The following GRHL2 variants were observed in gnomAD, a reference collection of about 807,000 sequenced individuals.
The protein encoded by GRHL2 is grainyhead-like protein 2 homolog.
Under a neutral mutation model 83.8 loss-of-function variants are expected in GRHL2, and 21 were observed. The ratio of observed to expected loss-of-function variants is 0.25; its 90% confidence interval spans 0.18 to 0.36. The LOEUF (loss-of-function observed/expected upper bound fraction) is 0.36. GRHL2 is among the 10% of genes least tolerant of loss of function. GRHL2 has a pLI of 1.00. For missense variants in GRHL2, 623 were observed against 781.8 expected, an observed-to-expected ratio of 0.80 and a Z score of 2.42; for synonymous variants, 280 against 278.9, an observed-to-expected ratio of 1.00 and a Z score of -0.04.
chr8:101,500,158 T>A (rs487053), intron 1 of GRHL2, among the ~76,000 whole-genome samples: 143,899 of 152,292 alleles, frequency 0.94, 68,097 homozygotes, highest in Non-Finnish European at 0.96. Flanking sequence ...CCTAACCTGA[T>A]AAAGGGTAGT....
the GRHL2 span, among the ~76,000 whole-genome samples, chr8:101,678,996 GAA>G: frequency 7.2e-6 from 1 of 138,184 alleles, no homozygotes; most frequent in Non-Finnish European, 1.6e-5. Flanking sequence ...AGAAAAACTG[GAA>G]ACTCTAAAAA....
downstream of GRHL2, among the ~76,000 whole-genome samples, chr8:101,674,600 T>C (rs534053905): frequency 3.3e-5 from 5 of 152,144 alleles, no homozygotes; most frequent in African/African-American, 1.2e-4. Context: ...CAGGACCAGA[T>C]GGATTCATAG....
At chr8:101,552,583 G>A in intron 2 of GRHL2, 132 bp from the exon 3 acceptor site, 1 of 789,316 alleles carries the variant, frequency 1.3e-6, no homozygotes, top group Admixed American at 1.9e-5. Flanking sequence ...TCATCTCCTG[G>A]TGATAGCAAC....
chr8:101,673,736 C>A (rs1814246760), downstream of GRHL2, among the ~76,000 whole-genome samples: 1 of 152,006 alleles, frequency 6.6e-6, no homozygotes, highest in African/African-American at 2.4e-5. Flanking sequence ...CTCTCCACCC[C>A]AAATCAACAG....
chr8:101,558,259 C>T (rs1469769722), intron 3 of GRHL2, among the ~76,000 whole-genome samples, 160 bp from the exon 4 acceptor site: 1 of 152,198 alleles, frequency 6.6e-6, no homozygotes, highest in African/African-American at 2.4e-5. Context: ...CTTCTAGTGA[C>T]GCAAGGATCC....
At position 101,666,617 on chromosome 8, in the gene GRHL2, A is replaced by G. The variant is rs762026492; in HGVS notation, c.1792A>G (p.Ile598Val). ...CTTGGTGAACATGGATGACAACATC[A>G]TCGAGCACTACTCGAACGAGGACAC... ...GILVNMDDNI[I>V]EHYSNEDTFI... The change falls in exon 16 of 16, where the codon ATC becomes GTC. Residue 598 changes from isoleucine to valine, a missense_variant. Ile to Val is a conservative substitution (Grantham distance 29, BLOSUM62 3). This residue lies in a region of GRHL2 where 210 missense variants were observed against 254.8 expected (regional missense o/e 0.82). Transcript: ENST00000646743. 2 of 1,611,900 alleles carry G rather than the reference A, an allele frequency of 1.2e-6. No homozygotes were observed. Among genetic ancestry groups the G allele is most frequent in the Non-Finnish European group, 1.7e-6 (2 of 1,178,048 alleles).
intron 1 of GRHL2, among the ~76,000 whole-genome samples, chr8:101,509,153 C>CTTT (rs56658916): frequency 4.5e-4 from 9 of 19,860 alleles, no homozygotes; most frequent in South Asian, 2.1e-3. Flanking sequence ...TTCCTTCCTT[C>CTTT]CTTCCTTTCT....
chr8:101,674,227 T>C (rs1760144959), downstream of GRHL2, among the ~76,000 whole-genome samples: 1 of 151,596 alleles, frequency 6.6e-6, no homozygotes, highest in South Asian at 2.1e-4. Context: ...CTGAAGGAAA[T>C]AGAGACACAA....
At chr8:101,531,967 G>A (rs1232233179) in intron 1 of GRHL2, among the ~76,000 whole-genome samples, 1 of 152,184 alleles carries the variant, frequency 6.6e-6, no homozygotes, top group African/African-American at 2.4e-5. Context: ...TTATGTGGTG[G>A]AGGGCATTAT....
intron 1 of GRHL2, among the ~76,000 whole-genome samples, chr8:101,540,356 A>G (rs1554584469): frequency 2.0e-5 from 3 of 152,116 alleles, no homozygotes; most frequent in Non-Finnish European, 4.4e-5. Context: ...GGCCTATACT[A>G]CTTCATGTCA....
intron 1 of GRHL2, among the ~76,000 whole-genome samples, chr8:101,502,044 G>GCA (rs1810240494): frequency 6.6e-6 from 1 of 151,426 alleles, no homozygotes; most frequent in Non-Finnish European, 1.5e-5. Context: ...ATTGTTTTTT[G>GCA]GTTCTCAGTT....
chr8:101,497,204 C>A (rs1810125105), intron 1 of GRHL2, among the ~76,000 whole-genome samples: 1 of 152,140 alleles, frequency 6.6e-6, no homozygotes, highest in Non-Finnish European at 1.5e-5. Flanking sequence ...GGGATTGAAA[C>A]TAAAGAGAGA....
At chr8:101,626,292 C>A (rs1813078027) in intron 9 of GRHL2, among the ~76,000 whole-genome samples, 1 of 152,074 alleles carries the variant, frequency 6.6e-6, no homozygotes, top group African/African-American at 2.4e-5. Context: ...TCTAATTAAT[C>A]TCACACCTGT....
intron 14 of GRHL2, among the ~76,000 whole-genome samples, chr8:101,656,095 T>A (rs1328833444): frequency 1.3e-5 from 2 of 152,228 alleles, no homozygotes; most frequent in Non-Finnish European, 2.9e-5. Context: ...TCTTCATCGC[T>A]CTCTGTCATT....
At chr8:101,627,321 AC>A (rs1450551383) in intron 9 of GRHL2, among the ~76,000 whole-genome samples, 1 of 152,000 alleles carries the variant, frequency 6.6e-6, no homozygotes, top group Non-Finnish European at 1.5e-5. Flanking sequence ...AACATTTCAA[AC>A]ATTTTCATTA....
chr8:101,562,437 C>T (rs1811626585), intron 4 of GRHL2: 7 of 478,064 alleles, frequency 1.5e-5, no homozygotes, highest in South Asian at 2.2e-5. Context: ...AACGTCATGC[C>T]GTGGCCAGGG....
Position 101,599,148 on chromosome 8 carries a change from G to A in GRHL2, c.1095G>A (p.Ala365=), listed in dbSNP as rs267601683. The A allele has an allele frequency of 2.0e-5, 31 of 1,589,666 alleles. No individual in the cohort carries two copies. Among genetic ancestry groups the A allele is most frequent in the Middle Eastern group, 1.7e-4 (1 of 6,044 alleles). Reference sequence around the variant, plus strand: ...TTACCTGGGACGTGAATGAAGAGGCGAAGGTGAGTGACATTGATTCATTGT... The same window carrying A: ...TTACCTGGGACGTGAATGAAGAGGCAAAGGTGAGTGACATTGATTCATTGT... ...VSFTWDVNEE[A]KIFITVNCLS... is the part of the protein sequence containing the mutation. The change falls in exon 8 of 16, where the codon GCG becomes GCA. Residue 365 remains alanine (A), a synonymous_variant. Coordinates refer to ENST00000646743, the MANE Select transcript of GRHL2 (RefSeq NM_024915.4).
At chr8:101,505,597 A>C (rs1174587378) in intron 1 of GRHL2, among the ~76,000 whole-genome samples, 3 of 149,112 alleles carry the variant, frequency 2.0e-5, no homozygotes, top group Admixed American at 6.7e-5. Flanking sequence ...AAAAAAAAAA[A>C]CAGTGTAAAT....
chr8:101,564,830 A>AAAAAG (rs5893572), intron 4 of GRHL2, among the ~76,000 whole-genome samples: 4 of 149,890 alleles, frequency 2.7e-5, no homozygotes, highest in African/African-American at 9.8e-5. Flanking sequence ...AAAAAAAAAA[A>AAAAAG]CCACTTTAAT....
Sources: gnomAD v4.1 joint callset for allele counts (sites outside exome capture counted in the v4.1 genomes callset) on GRCh38, gnomAD v4.1.1 for gene constraint, gnomAD v4.1.1 regional missense constraint, MANE v1.5 for transcripts, NCBI Gene and HGNC (gene_info 2026-07-23, HGNC 2026-07-21) for gene names.